The following HDDC3 variants were observed in gnomAD, a reference collection of about 807,000 sequenced individuals.
The protein encoded by HDDC3 is HD domain containing 3.
HDDC3 carries 18 observed loss-of-function variants against 19.1 expected under a neutral mutation model. That is an observed-to-expected ratio of 0.94 (90% CI 0.65 to 1.40). The LOEUF (loss-of-function observed/expected upper bound fraction) is 1.40, where lower values mean the gene tolerates loss of function less well. Ranked by LOEUF, HDDC3 falls within the 40% of genes most tolerant of loss-of-function variation. The pLI is 0.00. For missense variants in HDDC3, 250 were observed against 228.9 expected (o/e 1.09, Z -0.59); for synonymous variants, 107 against 99.4 (o/e 1.08, Z -0.46).
rs753899170 is a variant in HDDC3 at position 90,931,763 on chromosome 15, A to C, written c.350T>G (p.Leu117Arg). The C allele has an allele frequency of 1.3e-5, 21 of 1,614,034 alleles. No homozygotes were observed. In the South Asian group the frequency reaches 2.2e-4, roughly 17 times the overall value. ...GTACAGCTTGTCTGCCAGCTTCACC[A>C]GTTTGGCCCCGGGGCTACTGTGGGG... ...QAPHSSPGAK[L>R]VKLADKLYNL... The change falls in exon 3 of 4, where the codon CTG (leucine) becomes CGG (arginine). Residue 117 changes from leucine (L) to arginine (R), a missense_variant. Leu to Arg is a moderately radical substitution (Grantham distance 102, BLOSUM62 -2). Transcript: ENST00000394272.
intron 1 of HDDC3, 21 bp downstream of exon 1, chr15:90,932,408 C>T (rs2035833628): frequency 2.3e-6 from 3 of 1,312,980 alleles, no homozygotes; most frequent in South Asian, 3.9e-5. Context: ...GCAGCCGGCG[C>T]TCCGCGGCCG....
rs779018863 is a variant in HDDC3, at chr15:90,931,694, G to A, written c.409+10C>T. The stretch of plus-strand genomic sequence containing the variant: ...CTCCCTTTTCCCTTACAGCCCATAC[G>A]AAAGCGTACCCTCTGGGGTGCAGCG... On this transcript the variant is annotated intron_variant, in intron 3 of 3. Transcript: ENST00000394272. The A allele has an allele frequency of 6.2e-7, 1 of 1,614,012 alleles. No homozygotes were observed.
rs1270622648 is a variant in HDDC3 at position 90,932,124 on chromosome 15, G to T, written c.113-14C>A. On this transcript the variant is annotated splice_polypyrimidine_tract_variant and intron_variant, in intron 1 of 3. Coordinates refer to ENST00000394272, the MANE Select transcript of HDDC3 (RefSeq NM_001286451.2). ...TCCGTGCCACACCTGACGGGGAGGG[G>T]CAAAGCAGGAAGTCAGGTCGGAGGT... is the stretch of plus-strand genomic sequence containing the variant. The T allele has an allele frequency of 1.3e-6, 2 of 1,579,850 alleles. No homozygotes were observed. Among genetic ancestry groups the T allele is most frequent in the Admixed American group, 3.5e-5 (2 of 57,310 alleles).
In HDDC3 at chr15:90,932,411, C is replaced by T. The variant is rs1010225787; in HGVS notation, c.112+18G>A. On this transcript the variant is annotated intron_variant, in intron 1 of 3. Transcript: ENST00000394272. ...CACCCAGGTGCCGCAGCCGGCGCTC[C>T]GCGGCCGACGCGCCCACCGATGGGG... The T allele has an allele frequency of 3.8e-6, 5 of 1,321,282 alleles. No homozygotes were observed. Among genetic ancestry groups the T allele is most frequent in the Non-Finnish European group, 4.9e-6 (5 of 1,030,534 alleles). The allele number at this position is 1,321,282 out of a possible 1,614,324, so 81.8% of individuals were successfully genotyped here.
intron 3 of HDDC3, 26 bp downstream of exon 3, chr15:90,931,678 C>T (rs1342364401): frequency 1.2e-6 from 2 of 1,613,866 alleles, no homozygotes; most frequent in Non-Finnish European, 8.5e-7. Flanking sequence ...CCTCCCTTTT[C>T]CCTTACAGCC....
At position 90,931,033 on chromosome 15, in the gene HDDC3, C is replaced by T. The variant is rs1013919774; in HGVS notation, c.*242G>A. 6.1e-6 allele frequency: 3 copies of T among 494,940 alleles called. No individual in the cohort carries two copies. Among genetic ancestry groups the T allele is most frequent in the Non-Finnish European group, 1.1e-5 (3 of 273,666 alleles). 30.7% of individuals were successfully genotyped at this position (494,940 alleles called of 1,614,324 possible). ...CCACCATGCAAAATAGCAAACAGAC[C>T]CAAGACTTGGGGAGAGGCGGTGAGT... On this transcript the variant is annotated 3_prime_UTR_variant, in exon 4 of 4. Coordinates refer to ENST00000394272, the MANE Select transcript of HDDC3 (RefSeq NM_001286451.2).
At chr15:90,931,557 C>T in intron 3 of HDDC3, 147 bp downstream of exon 3, 1 of 1,614,170 alleles carries the variant, frequency 6.2e-7, no homozygotes, top group Non-Finnish European at 8.5e-7. Context: ...TGTATTTTTA[C>T]TGTATGAAAG....
chr15:90,931,151 T>G lies in HDDC3; in HGVS notation c.*124A>C. 1.6e-6 allele frequency: 2 copies of G among 1,225,448 alleles called. No individual in the cohort carries two copies. The highest frequency in any genetic ancestry group is 2.3e-6 in the Non-Finnish European group (2 of 885,782). 75.9% of individuals were successfully genotyped at this position (1,225,448 alleles called of 1,614,324 possible). A position where few individuals can be genotyped will look rare whatever the true frequency, so the allele number is the denominator to read the frequency against. On this transcript the variant is annotated 3_prime_UTR_variant, in exon 4 of 4. Transcript: ENST00000394272. ...TCAGACTGAGAAAAAATGCAAGTCT[T>G]TTTTTGGCCTCTAATATCTGGGAAG... is the stretch of plus-strand genomic sequence containing the variant.
rs2151347501 is a variant in HDDC3 at position 90,931,135 on chromosome 15, G to GA, written c.*139dup. The GA allele has an allele frequency of 2.8e-6, 3 of 1,060,996 alleles. No homozygotes were observed. Among genetic ancestry groups the GA allele is most frequent in the South Asian group, 1.6e-5 (1 of 62,120 alleles). The allele number at this position is 1,060,996 out of a possible 1,614,324, so 65.7% of individuals were successfully genotyped here. A position where few individuals can be genotyped will look rare whatever the true frequency, so the allele number is the denominator to read the frequency against. On this transcript the variant is annotated 3_prime_UTR_variant, in exon 4 of 4. Transcript: ENST00000394272. Reference sequence around the variant, plus strand: ...AGTTAGCAGGAGACCTTCAGACTGAGAAAAAATGCAAGTCTTTTTTTGGCC... The same window carrying GA: ...AGTTAGCAGGAGACCTTCAGACTGAGAAAAAAATGCAAGTCTTTTTTTGGCC...
At position 90,932,446 on chromosome 15, in the gene HDDC3, T is replaced by C. The variant is rs1372631798; in HGVS notation, c.95A>G (p.Tyr32Cys). The C allele has an allele frequency of 1.5e-6, 2 of 1,359,998 alleles. No homozygotes were observed. Among genetic ancestry groups the C allele is most frequent in the South Asian group, 3.8e-5 (2 of 53,148 alleles). 84.2% of individuals were successfully genotyped at this position (1,359,998 alleles called of 1,614,324 possible). ...GCGCCCACCGATGGGGTGGTTGATG[T>C]AGGGGGTCCCCTCGGGGTCCTTCCG... Reference protein sequence around the residue: ...QRRKDPEGTPYINHPIGVARI... With the variant: ...QRRKDPEGTPCINHPIGVARI... Residue 32 changes from tyrosine (Y) to cysteine (C), a missense_variant, in exon 1 of 4, where the codon TAC becomes TGC. By Grantham distance (194) the Tyr-to-Cys change is radical (BLOSUM62 -2). Transcript: ENST00000394272.
Position 90,931,410 on chromosome 15 carries a change from A to T in HDDC3, c.410-5T>A, listed in dbSNP as rs532110423. On this transcript the variant is annotated splice_region_variant and splice_polypyrimidine_tract_variant and intron_variant, in intron 3 of 3. Transcript: ENST00000394272. ...GGACTCGATGTTCTGACCATCCTGC[A>T]TAAGAGTCGACAGAAACTTGCTAGC... 7.5e-6 allele frequency: 12 copies of T among 1,591,640 alleles called. No individual in the cohort carries two copies. Among genetic ancestry groups the T allele is most frequent in the African/African-American group, 1.3e-5 (1 of 74,142 alleles).
Position 90,932,032 on chromosome 15 carries a change from TGGC to T in HDDC3, c.168+20_168+22del. The T allele has an allele frequency of 6.2e-7, 1 of 1,613,964 alleles. No individual in the cohort carries two copies. The highest frequency in any genetic ancestry group is 8.5e-7 in the Non-Finnish European group (1 of 1,179,930). ...GCCCCTAATCCCCATCCCAGGCTCCTGGCAGAGAAGGGGGAAAGTTACCTGTAA... is the reference window on the plus strand; with the variant it reads ...GCCCCTAATCCCCATCCCAGGCTCCTAGAGAAGGGGGAAAGTTACCTGTAA... On this transcript the variant is annotated intron_variant, in intron 2 of 3. Transcript: ENST00000394272.
chr15:90,931,489 A>T, intron 3 of HDDC3, 84 bp from the exon 4 acceptor site: 1 of 1,614,190 alleles, frequency 6.2e-7, no homozygotes, highest in Non-Finnish European at 8.5e-7. Context: ...GCTTGGTTCA[A>T]GGCCATGAGT....
chr15:90,931,171 G>A lies in HDDC3; in HGVS notation c.*104C>T. 2.2e-6 allele frequency: 3 copies of A among 1,381,196 alleles called. No homozygotes were observed. The highest frequency in any genetic ancestry group is 3.0e-6 in the Non-Finnish European group (3 of 1,012,858). The allele number at this position is 1,381,196 out of a possible 1,614,324, so 85.6% of individuals were successfully genotyped here. A position where few individuals can be genotyped will look rare whatever the true frequency, so the allele number is the denominator to read the frequency against. Reference sequence around the variant, plus strand: ...AGTCTTTTTTTGGCCTCTAATATCTGGGAAGGATGGAGGGAGCTCAGGAGA... The same window carrying A: ...AGTCTTTTTTTGGCCTCTAATATCTAGGAAGGATGGAGGGAGCTCAGGAGA... On this transcript the variant is annotated 3_prime_UTR_variant, in exon 4 of 4. Coordinates refer to ENST00000394272, the MANE Select transcript of HDDC3 (RefSeq NM_001286451.2).
In HDDC3 at chr15:90,931,956, T is replaced by C; in HGVS notation, c.169-12A>G. On this transcript the variant is annotated splice_polypyrimidine_tract_variant and intron_variant, in intron 2 of 3. Coordinates refer to ENST00000394272, the MANE Select transcript of HDDC3 (RefSeq NM_001286451.2). The stretch of plus-strand genomic sequence containing the variant: ...TGGAGCAGGGCCGCCTGGGGACAAG[T>C]TCCCACTCAGCCCTGAGATGTCAGC... 1 of 1,613,808 alleles carries C rather than the reference T, an allele frequency of 6.2e-7. No homozygotes were observed. Among genetic ancestry groups the C allele is most frequent in the Non-Finnish European group, 8.5e-7 (1 of 1,179,880 alleles).
chr15:90,931,984 AG>A (rs1272702350), intron 2 of HDDC3, 40 bp from the exon 3 acceptor site: 1 of 1,613,844 alleles, frequency 6.2e-7, no homozygotes, highest in Non-Finnish European at 8.5e-7. Flanking sequence ...ATGTCAGCCA[AG>A]GGTTGCCCAT....
In HDDC3 at chr15:90,930,253, G is replaced by C. The variant is rs963705501; in HGVS notation, c.*1022C>G. 6.6e-6 allele frequency: 1 copy of C among 152,242 alleles called. No individual in the cohort carries two copies. The highest frequency in any genetic ancestry group is 1.5e-5 in the Non-Finnish European group (1 of 68,046). 9.4% of individuals were successfully genotyped at this position (152,242 alleles called of 1,614,324 possible). A position where few individuals can be genotyped will look rare whatever the true frequency, so the allele number is the denominator to read the frequency against. On this transcript the variant is annotated 3_prime_UTR_variant, in exon 4 of 4. Transcript: ENST00000394272. The stretch of plus-strand genomic sequence containing the variant: ...AGTCACCGAGTTTCCCGCGCGGCTT[G>C]AGGTACTGGGGAACCGGAATCCCCC...
chr15:90,932,243 C>T, intron 1 of HDDC3, 133 bp from the exon 2 acceptor site: 3 of 998,610 alleles, frequency 3.0e-6, no homozygotes, highest in Non-Finnish European at 4.3e-6. Flanking sequence ...GTACCTTACC[C>T]TCTGGGAGCC....
rs1249943822 is a variant in HDDC3 at position 90,931,908 on chromosome 15, T to A, written c.205A>T (p.Thr69Ser). ...TGTAGCTCCACCTCATCCAGGGTGGTGTCTGTGTCCTCCACCGTGTCATGG... is the reference window on the plus strand; with the variant it reads ...TGTAGCTCCACCTCATCCAGGGTGGAGTCTGTGTCCTCCACCGTGTCATGG... ...LLHDTVEDTD[T>S]TLDEVELHFG... Residue 69 changes from threonine (T) to serine (S), a missense_variant, in exon 3 of 4, where the codon ACC (threonine) becomes TCC (serine). Transcript: ENST00000394272. 6.2e-7 allele frequency: 1 copy of A among 1,613,946 alleles called. No homozygotes were observed. The highest frequency in any genetic ancestry group is 8.5e-7 in the Non-Finnish European group (1 of 1,179,996).
Sources: gnomAD v4.1 joint callset for allele counts on GRCh38, gnomAD v4.1.1 for gene constraint, MANE v1.5 for transcripts, NCBI Gene and HGNC (gene_info 2026-07-23, HGNC 2026-07-21) for gene names.